The following LYPLAL1 variants were observed in gnomAD, a reference collection of about 807,000 sequenced individuals.
LYPLAL1 encodes the protein lysophospholipase-like protein 1.
In LYPLAL1, 23 loss-of-function variants were observed where a neutral mutation model predicts 19.7. That is an observed-to-expected ratio of 1.17 (90% CI 0.84 to 1.65). LYPLAL1 has a LOEUF of 1.65. Ranked by LOEUF, LYPLAL1 falls within the 40% of genes most tolerant of loss-of-function variation. LYPLAL1 has a pLI of 0.00. For missense variants in LYPLAL1, 355 were observed against 279.4 expected (o/e 1.27, Z -1.93); for synonymous variants, 119 against 96.3 (o/e 1.24, Z -1.38).
At chr1:219,257,048 T>A in the LYPLAL1 span, among the ~76,000 whole-genome samples, 1 of 152,058 alleles carries the variant, frequency 6.6e-6, no homozygotes, top group African/African-American at 2.4e-5. Flanking sequence ...TATCCTACTA[T>A]GCCAATTGGA....
chr1:219,334,349 A>T, the LYPLAL1 span, among the ~76,000 whole-genome samples: 1 of 152,020 alleles, frequency 6.6e-6, no homozygotes, highest in African/African-American at 2.4e-5. Flanking sequence ...TTATACTTTA[A>T]TCTTCTAATG....
intron 2 of LYPLAL1, among the ~76,000 whole-genome samples, chr1:219,183,705 C>G (rs1453420653): frequency 1.3e-5 from 2 of 151,904 alleles, no homozygotes; most frequent in Admixed American, 6.6e-5. Flanking sequence ...AATCTTGTGT[C>G]TGGCTTCTTT....
chr1:219,246,456 GA>G, the LYPLAL1 span, among the ~76,000 whole-genome samples: 1 of 151,982 alleles, frequency 6.6e-6, no homozygotes, highest in African/African-American at 2.4e-5. Context: ...GAGAGGAGAG[GA>G]AAAAAGATAT....
chr1:219,261,656 T>C, the LYPLAL1 span, among the ~76,000 whole-genome samples: 1 of 152,344 alleles, frequency 6.6e-6, no homozygotes, highest in Admixed American at 6.5e-5. Flanking sequence ...AAATCTTGGC[T>C]GATAGTTATT....
chr1:219,262,709 G>T, the LYPLAL1 span, among the ~76,000 whole-genome samples: 1 of 152,272 alleles, frequency 6.6e-6, no homozygotes, highest in East Asian at 1.9e-4. Context: ...TCCCAGCTGT[G>T]GATACCAGCA....
the LYPLAL1 span, among the ~76,000 whole-genome samples, chr1:219,256,757 A>C: frequency 6.6e-6 from 1 of 151,964 alleles, no homozygotes; most frequent in East Asian, 1.9e-4. Context: ...GCATTCTCCA[A>C]GTTGTCATAT....
the LYPLAL1 span, among the ~76,000 whole-genome samples, chr1:219,319,566 C>T: frequency 6.6e-6 from 1 of 152,292 alleles, no homozygotes; most frequent in East Asian, 1.9e-4. Flanking sequence ...CTCCGCACTC[C>T]TCTTTCCCAA....
the LYPLAL1 span, among the ~76,000 whole-genome samples, chr1:219,277,362 G>C: frequency 6.6e-6 from 1 of 152,106 alleles, no homozygotes; most frequent in Non-Finnish European, 1.5e-5. Context: ...TTGTAAATGG[G>C]GTGTAGCTGA....
the LYPLAL1 span, among the ~76,000 whole-genome samples, chr1:219,386,294 G>A: frequency 6.6e-6 from 1 of 152,170 alleles, no homozygotes; most frequent in South Asian, 2.1e-4. Flanking sequence ...AGAAGAGAGG[G>A]TTCTGCATTA....
At position 219,185,976 on chromosome 1, in the gene LYPLAL1, G is replaced by A. The variant is rs142142721; in HGVS notation, c.191+6730G>A. ...CTGTTTCTTAATGAGGTGTCAGACA[G>A]AGTTACACTGTAAGAAGGGCATGTG... On this transcript the variant is annotated intron_variant, in intron 2 of 4. Transcript: ENST00000366928. Among the ~76,000 whole-genome samples the A allele has an allele frequency of 2.0e-5, 3 of 152,050 alleles. No homozygotes were observed. The East Asian group carries it at 5.8e-4, about 29-fold the overall frequency.
the LYPLAL1 span, among the ~76,000 whole-genome samples, chr1:219,236,334 TA>T: frequency 9.9e-5 from 15 of 152,242 alleles, no homozygotes; most frequent in Non-Finnish European, 1.5e-4. Context: ...TGTCATGACA[TA>T]AGCAGTGTTA....
chr1:219,278,523 G>A, the LYPLAL1 span, among the ~76,000 whole-genome samples: 7 of 152,172 alleles, frequency 4.6e-5, no homozygotes, highest in Admixed American at 4.6e-4. Context: ...AGTACACACA[G>A]CTCATAAGTG....
At chr1:219,400,853 T>G in the LYPLAL1 span, among the ~76,000 whole-genome samples, 1 of 152,216 alleles carries the variant, frequency 6.6e-6, no homozygotes, top group Non-Finnish European at 1.5e-5. Context: ...TATCTAATGA[T>G]TGGAATATTC....
At chr1:219,420,020 C>T in the LYPLAL1 span, among the ~76,000 whole-genome samples, 10 of 152,220 alleles carry the variant, frequency 6.6e-5, no homozygotes, top group Non-Finnish European at 1.5e-4. Context: ...ACTATCTTCA[C>T]TTCTTCCTGA....
At chr1:219,243,222 A>C in the LYPLAL1 span, among the ~76,000 whole-genome samples, 27 of 152,204 alleles carry the variant, frequency 1.8e-4, no homozygotes, top group Non-Finnish European at 3.1e-4. Flanking sequence ...TTTATACATA[A>C]TTTTTAATGG....
the LYPLAL1 span, among the ~76,000 whole-genome samples, chr1:219,397,957 G>A: frequency 1.3e-5 from 2 of 152,122 alleles, no homozygotes; most frequent in African/African-American, 4.8e-5. Flanking sequence ...TAGATGAGCT[G>A]CCCCTTCTCT....
At chr1:219,283,242 G>T in the LYPLAL1 span, among the ~76,000 whole-genome samples, 1 of 152,092 alleles carries the variant, frequency 6.6e-6, no homozygotes, top group African/African-American at 2.4e-5. Context: ...CATGTTCTTT[G>T]CCATGTCATT....
the LYPLAL1 span, among the ~76,000 whole-genome samples, chr1:219,259,913 A>G: frequency 1.3e-5 from 2 of 148,564 alleles, no homozygotes; most frequent in African/African-American, 4.9e-5. Flanking sequence ...GAATATGACT[A>G]AAAGAAGTTT....
chr1:219,386,126 G>A, the LYPLAL1 span, among the ~76,000 whole-genome samples: 1 of 152,132 alleles, frequency 6.6e-6, no homozygotes, highest in Non-Finnish European at 1.5e-5. Flanking sequence ...AGAGCTTTCT[G>A]GGTGTATTTC....
Sources: gnomAD v4.1 joint callset for allele counts (sites outside exome capture counted in the v4.1 genomes callset) on GRCh38, gnomAD v4.1.1 for gene constraint, MANE v1.5 for transcripts, NCBI Gene and HGNC (gene_info 2026-07-23, HGNC 2026-07-21) for gene names.